Variants in RBFOX3 observed in about 807,000 individuals in gnomAD.
The protein encoded by RBFOX3 is RNA binding fox-1 homolog 3, also known as RNA binding protein fox-1 homolog 3.
Under a neutral mutation model 48.7 loss-of-function variants are expected in RBFOX3, and 17 were observed. That is an observed-to-expected ratio of 0.35 (90% CI 0.24 to 0.52). The LOEUF (loss-of-function observed/expected upper bound fraction) is 0.52. Among genes scored for constraint, RBFOX3 ranks in the 20% least tolerant of loss-of-function variants. The probability of loss-of-function intolerance (pLI) is 0.94; values close to 1 mark genes in which losing one functional copy is unlikely to be tolerated. For missense variants in RBFOX3, 382 were observed against 497.5 expected (o/e 0.77, Z 2.21); for synonymous variants, 212 against 209.5 (o/e 1.01, Z -0.10).
intron 4 of RBFOX3, among the ~76,000 whole-genome samples, chr17:79,125,844 T>G (rs1404993967): frequency 1.3e-5 from 2 of 151,828 alleles, no homozygotes; most frequent in African/African-American, 4.8e-5. Context: ...CAGGCAGAAA[T>G]GGGGAAGGGA....
intron 1 of RBFOX3, among the ~76,000 whole-genome samples, chr17:79,524,506 T>C (rs1007465146): frequency 1.1e-3 from 170 of 152,340 alleles, no homozygotes; most frequent in African/African-American, 3.8e-3. Flanking sequence ...CACTGCCAGA[T>C]GACTACCTTG....
At chr17:79,617,157 G>A in the RBFOX3 span, among the ~76,000 whole-genome samples, 81 of 152,164 alleles carry the variant, frequency 5.3e-4, no homozygotes, top group East Asian at 8.5e-3. Context: ...CTCCCTGCAC[G>A]CCTCCTTCTA....
intron 5 of RBFOX3, among the ~76,000 whole-genome samples, chr17:79,114,418 G>C (rs988082389): frequency 2.0e-5 from 3 of 152,200 alleles, no homozygotes; most frequent in African/African-American, 7.2e-5. Context: ...GAAAGGCACC[G>C]CCTGGGTGCC....
At chr17:79,129,981 G>C (rs1035829168) in intron 4 of RBFOX3, among the ~76,000 whole-genome samples, 1 of 152,176 alleles carries the variant, frequency 6.6e-6, no homozygotes, top group African/African-American at 2.4e-5. Context: ...AGCTCTGCAG[G>C]AGGAGGGCAG....
At chr17:79,558,386 A>G (rs2091934157) in intron 1 of RBFOX3, among the ~76,000 whole-genome samples, 2 of 152,226 alleles carry the variant, frequency 1.3e-5, no homozygotes, top group African/African-American at 4.8e-5. Context: ...ACTGGCAGAC[A>G]GCAGGGAACC....
intron 2 of RBFOX3, among the ~76,000 whole-genome samples, chr17:79,382,146 A>G (rs773202345): frequency 3.3e-5 from 5 of 152,218 alleles, no homozygotes; most frequent in Non-Finnish European, 7.3e-5. Flanking sequence ...AGCCATACCC[A>G]GCCACCCAGA....
intron 4 of RBFOX3, among the ~76,000 whole-genome samples, chr17:79,137,688 CT>C (rs1473217026): frequency 7.9e-5 from 12 of 152,178 alleles, no homozygotes; most frequent in Admixed American, 4.6e-4. Flanking sequence ...CGGATGGCTT[CT>C]TTTCCCGTTA....
rs1423431415 is a variant in RBFOX3 at position 79,090,692 on chromosome 17, C to G, written c.*191G>C. 4.3e-6 allele frequency: 3 copies of G among 699,130 alleles called. No individual in the cohort carries two copies. The highest frequency in any genetic ancestry group is 7.0e-6 in the Non-Finnish European group (3 of 428,318). The allele number at this position is 699,130 out of a possible 1,614,324, so 43.3% of individuals were successfully genotyped here. On this transcript the variant is annotated 3_prime_UTR_variant, in exon 15 of 15. Coordinates refer to ENST00000693108, the MANE Select transcript of RBFOX3 (RefSeq NM_001350451.2). ...CTGGGGCCGCTCCTCGGCGCCCCTG[C>G]CGGCGTGCTCCCTCGGTGCGGGCGT... is the stretch of plus-strand genomic sequence containing the variant.
intron 2 of RBFOX3, among the ~76,000 whole-genome samples, chr17:79,426,132 G>A (rs1269839224): frequency 6.6e-6 from 1 of 152,102 alleles, no homozygotes; most frequent in Non-Finnish European, 1.5e-5. Flanking sequence ...GGGTGCTGGT[G>A]GCCTGGGTTT....
chr17:79,620,509 G>T, the RBFOX3 span, among the ~76,000 whole-genome samples: 1 of 135,840 alleles, frequency 7.4e-6, no homozygotes, highest in African/African-American at 2.9e-5. Flanking sequence ...ACACACATGC[G>T]CATACGTGCA....
intron 2 of RBFOX3, among the ~76,000 whole-genome samples, chr17:79,349,385 C>T (rs1260603778): frequency 1.3e-5 from 2 of 152,070 alleles, no homozygotes; most frequent in East Asian, 1.9e-4. Context: ...TCCTGCCTCC[C>T]GGGGGCCACT....
At chr17:79,339,806 AT>A (rs916899731) in intron 2 of RBFOX3, among the ~76,000 whole-genome samples, 2 of 151,996 alleles carry the variant, frequency 1.3e-5, no homozygotes, top group African/African-American at 2.4e-5. Flanking sequence ...TTGATTCAGA[AT>A]TTTTTTTGGC....
intron 4 of RBFOX3, among the ~76,000 whole-genome samples, chr17:79,225,142 T>A (rs74001696): frequency 0.098 from 14,953 of 152,046 alleles, 1,092 homozygotes; most frequent in African/African-American, 0.21. Context: ...CAGTGAAAGG[T>A]GACCAGCACG....
intron 4 of RBFOX3, among the ~76,000 whole-genome samples, chr17:79,170,512 A>G (rs2049053580): frequency 1.3e-5 from 2 of 152,086 alleles, no homozygotes; most frequent in African/African-American, 4.8e-5. Flanking sequence ...TGCAGGCTCA[A>G]GCATCCCATC....
Position 79,096,836 on chromosome 17 carries a change from G to A in RBFOX3, c.756-3C>T. 1 of 738,302 alleles carries A rather than the reference G, an allele frequency of 1.4e-6. No individual in the cohort carries two copies. The highest frequency in any genetic ancestry group is 1.6e-5 in the South Asian group (1 of 63,322). The allele number at this position is 738,302 out of a possible 1,614,324, so 45.7% of individuals were successfully genotyped here. A position where few individuals can be genotyped will look rare whatever the true frequency, so the allele number is the denominator to read the frequency against. On this transcript the variant is annotated splice_region_variant and splice_polypyrimidine_tract_variant and intron_variant, in intron 11 of 14. Coordinates refer to ENST00000693108, the MANE Select transcript of RBFOX3 (RefSeq NM_001350451.2). ...TAACAAGCGTTTGCTCCAGTGCCCT[G>A]TTTTGGTATAACAATAGAGTAACAC...
intron 4 of RBFOX3, among the ~76,000 whole-genome samples, chr17:79,147,444 C>T (rs956657274): frequency 6.6e-5 from 10 of 152,240 alleles, no homozygotes; most frequent in Admixed American, 2.0e-4. Flanking sequence ...CCAGCCTTCC[C>T]CCAACCCCTC....
intron 4 of RBFOX3, among the ~76,000 whole-genome samples, chr17:79,148,196 T>C (rs984669816): frequency 4.6e-5 from 7 of 152,238 alleles, no homozygotes; most frequent in Non-Finnish European, 8.8e-5. Context: ...AGCTGTGTTC[T>C]GTGCCTGGAG....
intron 4 of RBFOX3, among the ~76,000 whole-genome samples, chr17:79,194,756 GTGTGTGT>G: frequency 9.5e-5 from 1 of 10,480 alleles, no homozygotes; most frequent in African/African-American, 1.9e-4. Flanking sequence ...GTGTGTGGGT[GTGTGTGT>G]GTGTGTGTGT....
At chr17:79,201,352 G>A (rs1214603556) in intron 4 of RBFOX3, among the ~76,000 whole-genome samples, 1 of 152,178 alleles carries the variant, frequency 6.6e-6, no homozygotes, top group Non-Finnish European at 1.5e-5. Context: ...AGGGGAGGGA[G>A]GGAAACCAGA....
Sources: allele counts gnomAD v4.1 joint callset (sites outside exome capture counted in the v4.1 genomes callset), GRCh38; gene constraint gnomAD v4.1.1; transcripts MANE v1.5; gene names NCBI Gene and HGNC (gene_info 2026-07-23, HGNC 2026-07-21).